BDP1: variants seen among roughly 807,000 people sequenced by gnomAD.
The protein encoded by BDP1 is transcription factor TFIIIB component B'' homolog.
In BDP1, 169 loss-of-function variants were observed where a neutral mutation model predicts 266.6. The observed-to-expected ratio is 0.63, with a 90% CI of 0.56 to 0.72. BDP1 has a LOEUF of 0.72. Among genes scored for constraint, BDP1 ranks in the 30% least tolerant of loss-of-function variants. The probability of loss-of-function intolerance (pLI) is 0.00; values close to 1 mark genes in which losing one functional copy is unlikely to be tolerated. For missense variants in BDP1, 3,015 were observed against 3,053.8 expected (o/e 0.99, Z 0.30); for synonymous variants, 1,090 against 1,022.4 (o/e 1.07, Z -1.26).
chr5:71,500,353 T>G (rs1192089877), intron 13 of BDP1, among the ~76,000 whole-genome samples: 7 of 145,068 alleles, frequency 4.8e-5, no homozygotes, highest in Non-Finnish European at 1.1e-4. Flanking sequence ...GAGGTTTAGT[T>G]TCACTCTTGT....
intron 26 of BDP1, among the ~76,000 whole-genome samples, chr5:71,537,298 C>T (rs1284464915): frequency 1.3e-5 from 2 of 152,052 alleles, no homozygotes; most frequent in African/African-American, 4.8e-5. Flanking sequence ...ACAGTCAAAG[C>T]CTCCCATAAT....
intron 38 of BDP1, among the ~76,000 whole-genome samples, chr5:71,563,742 A>G (rs1743841911): frequency 6.6e-6 from 1 of 152,164 alleles, no homozygotes. Flanking sequence ...GCAAAACCCC[A>G]TCTCTACCAA....
chr5:71,516,358 C>A, intron 21 of BDP1, 87 bp downstream of exon 21: 2 of 955,802 alleles, frequency 2.1e-6, no homozygotes, highest in South Asian at 1.7e-5. Context: ...GAAATACAGG[C>A]ATCTGACACT....
rs878948263 is a variant in BDP1, at chr5:71,510,051, A to T, written c.2959A>T (p.Thr987Ser). The T allele has an allele frequency of 6.2e-7, 1 of 1,612,968 alleles. No homozygotes were observed. The highest frequency in any genetic ancestry group is 2.2e-5 in the East Asian group (1 of 44,804). The change falls in exon 17 of 39, where the codon ACT becomes TCT. Residue 987 changes from threonine (T) to serine (S), a missense_variant. Physicochemically the swap from Thr to Ser is moderately conservative, Grantham distance 58. Transcript: ENST00000358731. ...GGAAATAGACAAAAATTTGGAAGAAACTGGAAGAAGAAAAATATCCCCAAG... is the reference window on the plus strand; with the variant it reads ...GGAAATAGACAAAAATTTGGAAGAATCTGGAAGAAGAAAAATATCCCCAAG... ...TEEIDKNLEE[T>S]GRRKISPREN... is the part of the protein sequence containing the mutation.
At chr5:71,471,616 A>G (rs1762260182) in intron 7 of BDP1, among the ~76,000 whole-genome samples, 1 of 152,190 alleles carries the variant, frequency 6.6e-6, no homozygotes. Flanking sequence ...TACAGCTATT[A>G]TATGCCCAAG....
chr5:71,467,246 T>A, intron 5 of BDP1, 108 bp from the exon 6 acceptor site: 1 of 894,548 alleles, frequency 1.1e-6, no homozygotes, highest in Non-Finnish European at 1.7e-6. Context: ...TTATTATGCC[T>A]TTGATATGAT....
Position 71,495,347 on chromosome 5 carries a change from G to GTGA in BDP1, c.1739_1741dup (p.Val580_Asn581insMet). The stretch of plus-strand genomic sequence containing the variant: ...AGTTGGAATTAGAGCATTGTGTGAG[G>GTGA]TGAATAATGCTGAGGGTAGTTGTAT... On this transcript the variant is annotated inframe_insertion, in exon 12 of 39. Transcript: ENST00000358731. 1 of 1,605,232 alleles carries GTGA rather than the reference G, an allele frequency of 6.2e-7. No individual in the cohort carries two copies. The highest frequency in any genetic ancestry group is 1.3e-5 in the African/African-American group (1 of 74,882).
rs1363533773 is a variant in BDP1, at chr5:71,464,097, G to A, written c.639G>A (p.Ser213=). The change falls in exon 4 of 39, where the codon TCG becomes TCA. Residue 213 remains serine, a synonymous_variant. Transcript: ENST00000358731. ...AAGAAAAGAAAACTGAAAAGCCATCGACTCCAGTCCAGACAAGAGAGTAAG... is the reference window on the plus strand; with the variant it reads ...AAGAAAAGAAAACTGAAAAGCCATCAACTCCAGTCCAGACAAGAGAGTAAG... ...LEQEKKTEKP[S]TPVQTREQEG... 13 of 1,580,324 alleles carry A rather than the reference G, an allele frequency of 8.2e-6. No homozygotes were observed. The highest frequency in any genetic ancestry group is 2.3e-5 in the South Asian group (2 of 85,716).
intron 10 of BDP1, 108 bp downstream of exon 10, chr5:71,489,790 TTAA>T: frequency 1.1e-6 from 1 of 932,012 alleles, no homozygotes; most frequent in South Asian, 1.7e-5. Flanking sequence ...ATGATGCTTA[TTAA>T]TTGGTTCTGT....
chr5:71,455,999 C>A lies in BDP1; in HGVS notation c.122C>A (p.Thr41Lys), dbSNP rs368685138. Residue 41 changes from threonine to lysine, a missense_variant, in exon 1 of 39, where the codon ACG becomes AAG. Transcript: ENST00000358731. ...RESPRPPDPATDSASKPAEPT... is the reference protein window; with the variant it reads ...RESPRPPDPAKDSASKPAEPT... Reference sequence around the variant, plus strand: ...TCTCCCAGGCCGCCGGATCCTGCCACGGACTCTGCTTCCAAGCCCGCGGAG... The same window carrying A: ...TCTCCCAGGCCGCCGGATCCTGCCAAGGACTCTGCTTCCAAGCCCGCGGAG... 5 of 1,613,620 alleles carry A rather than the reference C, an allele frequency of 3.1e-6. No homozygotes were observed. The South Asian group carries it at 5.5e-5, about 18-fold the overall frequency.
chr5:71,567,840 A>G (rs1744122342), downstream of BDP1: 1 of 152,168 alleles, frequency 6.6e-6, no homozygotes, highest in Non-Finnish European at 1.5e-5. Context: ...TGTCCTTTTA[A>G]GATGACTAAA....
chr5:71,531,884 C>G (rs1766268582), intron 25 of BDP1, among the ~76,000 whole-genome samples: 1 of 152,190 alleles, frequency 6.6e-6, no homozygotes, highest in Non-Finnish European at 1.5e-5. Context: ...GATTACATGT[C>G]TGCTTTTCTG....
chr5:71,574,889 G>A, the BDP1 span, among the ~76,000 whole-genome samples: 1 of 152,154 alleles, frequency 6.6e-6, no homozygotes, highest in Non-Finnish European at 1.5e-5. Context: ...ACAAATTAAA[G>A]GAAAGAAATT....
Position 71,538,988 on chromosome 5 carries a change from C to T in BDP1, c.5893-54C>T. The stretch of plus-strand genomic sequence containing the variant: ...TGAAAATGTAGTGCATGCTGAGAAA[C>T]AGAACATGTTTGGGGAAGTATTTTA... On this transcript the variant is annotated intron_variant, in intron 26 of 38. Coordinates refer to ENST00000358731, the MANE Select transcript of BDP1 (RefSeq NM_018429.3). 4.9e-6 allele frequency: 6 copies of T among 1,226,448 alleles called. No individual in the cohort carries two copies. In the South Asian group the frequency reaches 7.4e-5, roughly 15 times the overall value. 76.0% of individuals were successfully genotyped at this position (1,226,448 alleles called of 1,614,324 possible). A position where few individuals can be genotyped will look rare whatever the true frequency, so the allele number is the denominator to read the frequency against.
chr5:71,480,677 C>T (rs1018435334), intron 7 of BDP1, among the ~76,000 whole-genome samples: 7 of 151,462 alleles, frequency 4.6e-5, no homozygotes, highest in Non-Finnish European at 8.8e-5. Flanking sequence ...GGTGATTCTT[C>T]TGCCTCAGCC....
At chr5:71,458,913 A>G in intron 2 of BDP1, 58 bp downstream of exon 2, 1 of 1,512,298 alleles carries the variant, frequency 6.6e-7, no homozygotes, top group African/African-American at 1.4e-5. Flanking sequence ...GTAAGGAATC[A>G]TTGGGAAGAA....
rs1338326899 is a variant in BDP1 at position 71,559,852 on chromosome 5, T to C, written c.7241-130T>C. Reference sequence around the variant, plus strand: ...TTAATAATCCAAGTAACTCCACTAATGATAATTTAGCTTACTCTTATTAGG... The same window carrying C: ...TTAATAATCCAAGTAACTCCACTAACGATAATTTAGCTTACTCTTATTAGG... On this transcript the variant is annotated intron_variant, in intron 36 of 38. Transcript: ENST00000358731. 9 of 863,252 alleles carry C rather than the reference T, an allele frequency of 1.0e-5. No individual in the cohort carries two copies. In the East Asian group the frequency reaches 1.5e-4, roughly 15 times the overall value. 53.5% of individuals were successfully genotyped at this position (863,252 alleles called of 1,614,324 possible). A position where few individuals can be genotyped will look rare whatever the true frequency, so the allele number is the denominator to read the frequency against.
chr5:71,460,740 T>TG (rs1761501680), intron 2 of BDP1, among the ~76,000 whole-genome samples: 2 of 151,664 alleles, frequency 1.3e-5, no homozygotes, highest in African/African-American at 2.4e-5. Context: ...GAATTGGGGG[T>TG]GGGGGGATTA....
intron 16 of BDP1, among the ~76,000 whole-genome samples, chr5:71,506,746 T>A (rs1161212944): frequency 7.0e-6 from 1 of 143,374 alleles, no homozygotes; most frequent in African/African-American, 2.9e-5. Flanking sequence ...TTGGTGATGT[T>A]TGTTTGGAGG....
Sources: allele counts gnomAD v4.1 joint callset (sites outside exome capture counted in the v4.1 genomes callset), GRCh38; gene constraint gnomAD v4.1.1; transcripts MANE v1.5; gene names NCBI Gene and HGNC (gene_info 2026-07-23, HGNC 2026-07-21).